TAFA4: variants seen among roughly 807,000 people sequenced by gnomAD.
TAFA4 encodes the protein chemokine-like protein TAFA-4.
TAFA4 carries 20 observed loss-of-function variants against 21.1 expected under a neutral mutation model. That is an observed-to-expected ratio of 0.95 (90% CI 0.67 to 1.38). The LOEUF is 1.38. TAFA4 is among the 40% of genes most tolerant of loss of function. The pLI, the probability that TAFA4 is intolerant of heterozygous loss-of-function variation, is 0.00. For missense variants in TAFA4, 211 were observed against 180.9 expected, an observed-to-expected ratio of 1.17 and a Z score of -0.95; for synonymous variants, 71 against 67.4, an observed-to-expected ratio of 1.05 and a Z score of -0.26.
chr3:68,931,065 C>T (rs1559567265), intron 1 of TAFA4, among the ~76,000 whole-genome samples: 1 of 152,118 alleles, frequency 6.6e-6, no homozygotes, highest in Non-Finnish European at 1.5e-5. Context: ...GTTTGGGTGA[C>T]CGAGTCTGCA....
chr3:68,795,739 T>C (rs1300480592), intron 3 of TAFA4, among the ~76,000 whole-genome samples: 1 of 152,168 alleles, frequency 6.6e-6, no homozygotes, highest in Non-Finnish European at 1.5e-5. Context: ...GGTGAGGCCA[T>C]GTTTTCCTGG....
At chr3:68,799,076 A>C (rs1403181997) in intron 3 of TAFA4, among the ~76,000 whole-genome samples, 1 of 152,208 alleles carries the variant, frequency 6.6e-6, no homozygotes, top group Non-Finnish European at 1.5e-5. Context: ...GCAGCAAAGC[A>C]TCAGGAGTTT....
intron 1 of TAFA4, among the ~76,000 whole-genome samples, chr3:68,919,822 G>C (rs537523381): frequency 6.6e-6 from 1 of 152,284 alleles, no homozygotes; most frequent in East Asian, 1.9e-4. Flanking sequence ...TGAATTCCAA[G>C]AGAACATAAT....
chr3:68,740,659 T>G (rs1383441515), intron 4 of TAFA4, among the ~76,000 whole-genome samples: 2 of 152,198 alleles, frequency 1.3e-5, no homozygotes, highest in African/African-American at 4.8e-5. Context: ...TCATTTGATG[T>G]AGTCCCAATT....
At chr3:68,832,195 C>T (rs1704414028) in intron 3 of TAFA4, among the ~76,000 whole-genome samples, 1 of 152,186 alleles carries the variant, frequency 6.6e-6, no homozygotes, top group Admixed American at 6.5e-5. Flanking sequence ...TCGTCAAACT[C>T]ATTCTCTGTC....
intron 3 of TAFA4, among the ~76,000 whole-genome samples, chr3:68,808,255 C>T (rs1005938063): frequency 5.9e-5 from 9 of 152,132 alleles, no homozygotes; most frequent in Non-Finnish European, 8.8e-5. Flanking sequence ...ATGACCCTTC[C>T]ACTGGCAGTT....
At chr3:68,906,984 T>C (rs536294355) in intron 1 of TAFA4, among the ~76,000 whole-genome samples, 3 of 134,064 alleles carry the variant, frequency 2.2e-5, no homozygotes, top group South Asian at 2.3e-4. Context: ...TGAGCCAAGA[T>C]TGCACCACTG....
At chr3:68,905,195 G>A (rs536038687) in intron 1 of TAFA4, among the ~76,000 whole-genome samples, 3 of 117,978 alleles carry the variant, frequency 2.5e-5, no homozygotes, top group East Asian at 5.3e-4. Flanking sequence ...TTGCTCTGTC[G>A]CCAGGCTAGA....
intron 3 of TAFA4, among the ~76,000 whole-genome samples, chr3:68,757,343 A>G (rs1290422995): frequency 1.3e-5 from 2 of 151,770 alleles, no homozygotes; most frequent in East Asian, 3.9e-4. Context: ...GACCTCATTT[A>G]CTCTTTATCA....
intron 3 of TAFA4, among the ~76,000 whole-genome samples, chr3:68,791,987 A>C (rs17047998): frequency 6.6e-6 from 1 of 151,712 alleles, no homozygotes; most frequent in South Asian, 2.1e-4. Context: ...TTTAGATTCT[A>C]AAAAAAAACT....
chr3:68,848,424 C>T (rs1018048820), intron 3 of TAFA4, among the ~76,000 whole-genome samples: 10 of 152,152 alleles, frequency 6.6e-5, no homozygotes, highest in African/African-American at 2.4e-4. Flanking sequence ...TCTTTAGACA[C>T]AAGATATAAC....
chr3:68,833,254 A>T (rs974053068), intron 3 of TAFA4, among the ~76,000 whole-genome samples: 2 of 152,154 alleles, frequency 1.3e-5, no homozygotes, highest in East Asian at 3.9e-4. Flanking sequence ...GAAATGCAGA[A>T]ATCACCCATC....
intron 3 of TAFA4, among the ~76,000 whole-genome samples, chr3:68,791,359 G>A (rs997656791): frequency 4.0e-5 from 6 of 151,786 alleles, no homozygotes; most frequent in Admixed American, 1.3e-4. Flanking sequence ...TGGAGGCCGA[G>A]ATTGAAGTGC....
chr3:68,867,149 G>A (rs1346447359), intron 3 of TAFA4, among the ~76,000 whole-genome samples: 1 of 151,646 alleles, frequency 6.6e-6, no homozygotes, highest in Non-Finnish European at 1.5e-5. Context: ...AACTCTCAAA[G>A]GTCAAGGAAA....
At chr3:68,906,124 G>A (rs1000221989) in intron 1 of TAFA4, among the ~76,000 whole-genome samples, 2 of 152,232 alleles carry the variant, frequency 1.3e-5, no homozygotes, top group African/African-American at 4.8e-5. Flanking sequence ...TACACAGCAG[G>A]TCAGATGTGG....
At chr3:68,818,629 T>C (rs999311975) in intron 3 of TAFA4, among the ~76,000 whole-genome samples, 3 of 152,318 alleles carry the variant, frequency 2.0e-5, no homozygotes, top group East Asian at 1.9e-4. Flanking sequence ...AGTGGCCTAA[T>C]TGTAATATTA....
intron 3 of TAFA4, among the ~76,000 whole-genome samples, chr3:68,865,470 G>A (rs1213409311): frequency 6.6e-6 from 1 of 152,002 alleles, no homozygotes; most frequent in Non-Finnish European, 1.5e-5. Flanking sequence ...CACGAGATCT[G>A]ATGGTTTTAT....
intron 3 of TAFA4, among the ~76,000 whole-genome samples, chr3:68,850,793 G>T (rs1023995423): frequency 3.3e-5 from 5 of 151,870 alleles, no homozygotes; most frequent in African/African-American, 1.2e-4. Flanking sequence ...ACCTTTGACA[G>T]ATGGACAGAC....
At chr3:68,746,237 C>G (rs1233091807) in intron 4 of TAFA4, among the ~76,000 whole-genome samples, 1 of 152,096 alleles carries the variant, frequency 6.6e-6, no homozygotes, top group African/African-American at 2.4e-5. Context: ...GACTGGCTTC[C>G]CGGCTCCTCA....
Sources: gnomAD v4.1 joint callset for allele counts (sites outside exome capture counted in the v4.1 genomes callset) on GRCh38, gnomAD v4.1.1 for gene constraint, MANE v1.5 for transcripts, NCBI Gene and HGNC (gene_info 2026-07-23, HGNC 2026-07-21) for gene names.